Variants in CCDC192 observed in about 807,000 individuals in gnomAD.
CCDC192 encodes coiled-coil domain containing 192, also known as coiled-coil domain-containing protein 192.
chr5:127,735,860 C>T (rs1407827993), intron 2 of CCDC192, among the ~76,000 whole-genome samples: 2 of 137,308 alleles, frequency 1.5e-5, no homozygotes, highest in Admixed American at 7.6e-5. Context: ...GATATACAAT[C>T]ATGTCTTCTG....
At chr5:127,747,022 A>G (rs1580582706) in intron 2 of CCDC192, among the ~76,000 whole-genome samples, 1 of 152,284 alleles carries the variant, frequency 6.6e-6, no homozygotes, top group East Asian at 1.9e-4. Flanking sequence ...AGGGAAAAAA[A>G]TAAAGCAGAA....
chr5:127,721,248 A>G (rs879806760), intron 2 of CCDC192, among the ~76,000 whole-genome samples: 2 of 152,236 alleles, frequency 1.3e-5, no homozygotes, highest in Admixed American at 1.3e-4. Context: ...TGTTAGAACC[A>G]GCCAGCGCAT....
At chr5:127,828,351 A>G (rs972089099) in intron 5 of CCDC192, among the ~76,000 whole-genome samples, 2 of 152,224 alleles carry the variant, frequency 1.3e-5, no homozygotes, top group African/African-American at 4.8e-5. Flanking sequence ...TAGAAACCCT[A>G]GGGAAAAATG....
chr5:127,769,408 T>G (rs1014042561), intron 3 of CCDC192, among the ~76,000 whole-genome samples: 3 of 151,074 alleles, frequency 2.0e-5, no homozygotes, highest in Admixed American at 2.0e-4. Context: ...TTGGATTTTG[T>G]GTGTATGTGT....
chr5:127,780,797 C>T (rs941469364), intron 3 of CCDC192, among the ~76,000 whole-genome samples: 1 of 152,054 alleles, frequency 6.6e-6, no homozygotes, highest in Non-Finnish European at 1.5e-5. Context: ...GCTGACTGTT[C>T]CTTTTGCCAT....
chr5:127,822,166 G>C (rs567891208), intron 5 of CCDC192, among the ~76,000 whole-genome samples: 1 of 152,236 alleles, frequency 6.6e-6, no homozygotes, highest in South Asian at 2.1e-4. Context: ...AAAACTGTTT[G>C]CCCTTCTCAG....
chr5:127,924,523 A>T (rs191050872), intron 6 of CCDC192, among the ~76,000 whole-genome samples: 1 of 152,250 alleles, frequency 6.6e-6, no homozygotes, highest in African/African-American at 2.4e-5. Context: ...CTGTTGTTTT[A>T]TCTTTTAAAG....
chr5:127,858,402 T>C (rs748903420), intron 5 of CCDC192, among the ~76,000 whole-genome samples: 4 of 152,208 alleles, frequency 2.6e-5, no homozygotes, highest in Non-Finnish European at 4.4e-5. Flanking sequence ...AATTAATGCC[T>C]CTTATCCGTA....
At chr5:127,937,412 A>G (rs943245653) in intron 6 of CCDC192, among the ~76,000 whole-genome samples, 2 of 152,148 alleles carry the variant, frequency 1.3e-5, no homozygotes, top group Non-Finnish European at 2.9e-5. Context: ...GGATGGGTTC[A>G]TGAGAGTGGG....
chr5:127,901,578 G>A (rs1005907045), intron 6 of CCDC192, among the ~76,000 whole-genome samples: 13 of 152,120 alleles, frequency 8.5e-5, no homozygotes, highest in Non-Finnish European at 5.9e-5. Flanking sequence ...CATCCCTGAG[G>A]GATGGAGAGA....
At chr5:127,860,740 T>C (rs972710751) in intron 5 of CCDC192, among the ~76,000 whole-genome samples, 2 of 152,226 alleles carry the variant, frequency 1.3e-5, no homozygotes. Flanking sequence ...TCAAAGTCTG[T>C]CTAGTAACTA....
chr5:127,739,351 T>G (rs1024851195), intron 2 of CCDC192, among the ~76,000 whole-genome samples: 1 of 152,140 alleles, frequency 6.6e-6, no homozygotes, highest in African/African-American at 2.4e-5. Flanking sequence ...GACAGGGACA[T>G]TTAAGTCTGC....
intron 6 of CCDC192, among the ~76,000 whole-genome samples, chr5:127,907,159 A>T (rs1184542678): frequency 1.3e-5 from 2 of 152,176 alleles, no homozygotes; most frequent in Non-Finnish European, 2.9e-5. Context: ...TTGAATTTGG[A>T]AAAAGTTACA....
rs373571071 is a variant in CCDC192, at chr5:127,723,125, A to T, written c.114+15365A>T. ...TTTCCTTTTTTTGGTATCCTCTTCA[A>T]TTTCTTGCACTAATGTTTTATAGTT... On this transcript the variant is annotated intron_variant, in intron 2 of 6. Coordinates refer to ENST00000514853, the MANE Select transcript of CCDC192 (RefSeq NM_001317938.2). Among the ~76,000 whole-genome samples the T allele has an allele frequency of 1.8e-4, 27 of 152,188 alleles. No homozygotes were observed. The South Asian group carries it at 5.6e-3, about 32-fold the overall frequency.
In CCDC192 at chr5:127,766,322, A is replaced by T. The variant is rs985331200; in HGVS notation, c.222+11947A>T. ...CTGAGAATGACTGATTACACAGAGT[A>T]TAATATGCAGGCAAATATAGGAAAA... On this transcript the variant is annotated intron_variant, in intron 3 of 6. Transcript: ENST00000514853. 1.8e-4 allele frequency among the ~76,000 whole-genome samples: 28 copies of T among 152,178 alleles called. 1 individual carries two copies. The highest frequency in any genetic ancestry group is 6.8e-4 in the African/African-American group (28 of 41,452).
chr5:127,862,362 G>A (rs1338899582), intron 5 of CCDC192, among the ~76,000 whole-genome samples: 1 of 152,160 alleles, frequency 6.6e-6, no homozygotes, highest in East Asian at 1.9e-4. Context: ...GCTGGCCTCA[G>A]TGCCCTCATG....
intron 5 of CCDC192, among the ~76,000 whole-genome samples, chr5:127,841,452 C>G (rs1300142653): frequency 6.6e-6 from 1 of 152,136 alleles, no homozygotes; most frequent in Non-Finnish European, 1.5e-5. Context: ...ATTTTTTAAA[C>G]TAGCATCTGT....
intron 2 of CCDC192, among the ~76,000 whole-genome samples, chr5:127,733,596 C>G (rs1263942753): frequency 1.3e-5 from 2 of 152,136 alleles, no homozygotes; most frequent in Non-Finnish European, 2.9e-5. Flanking sequence ...TTAGATATTT[C>G]AGAGGTTCTT....
chr5:127,805,958 G>T (rs963632984), intron 5 of CCDC192, among the ~76,000 whole-genome samples: 3 of 152,040 alleles, frequency 2.0e-5, no homozygotes, highest in Non-Finnish European at 4.4e-5. Context: ...TTCTCTGTGC[G>T]CTCAGAAGAG....
Sources: allele counts gnomAD v4.1 joint callset (sites outside exome capture counted in the v4.1 genomes callset), GRCh38; gene constraint gnomAD v4.1.1; transcripts MANE v1.5; gene names NCBI Gene and HGNC (gene_info 2026-07-23, HGNC 2026-07-21).